The following KANK1 variants were observed in gnomAD, a reference collection of about 807,000 sequenced individuals.
KANK1 encodes the protein KN motif and ankyrin repeat domains 1.
Under a neutral mutation model 106.2 loss-of-function variants are expected in KANK1, and 109 were observed. That is an observed-to-expected ratio of 1.03 (90% CI 0.88 to 1.20). The LOEUF (loss-of-function observed/expected upper bound fraction) is 1.20. KANK1 is among the 50% of genes most tolerant of loss of function. KANK1 has a pLI of 0.00. For missense variants in KANK1, 2,399 were observed against 1,710.7 expected (o/e 1.40, Z -7.10); for synonymous variants, 873 against 652.2 (o/e 1.34, Z -5.16).
chr9:699,408 C>T (rs994540861), intron 2 of KANK1, among the ~76,000 whole-genome samples: 6 of 152,210 alleles, frequency 3.9e-5, no homozygotes, highest in African/African-American at 1.4e-4. Context: ...ATCTTCCTTA[C>T]ATCAGCAGGA....
chr9:715,198 C>G (rs527310575), intron 3 of KANK1, among the ~76,000 whole-genome samples: 2 of 152,020 alleles, frequency 1.3e-5, no homozygotes, highest in East Asian at 1.9e-4. Context: ...TTTTAGAATC[C>G]AAAGAGTCTA....
At chr9:732,682 G>A in intron 6 of KANK1, 65 bp downstream of exon 6, 1 of 1,557,736 alleles carries the variant, frequency 6.4e-7, no homozygotes, top group Non-Finnish European at 8.8e-7. Context: ...CAATAGAGTT[G>A]GCCAGTTCAG....
chr9:613,433 A>G (rs1831045933), intron 1 of KANK1, among the ~76,000 whole-genome samples: 2 of 151,970 alleles, frequency 1.3e-5, no homozygotes, highest in African/African-American at 4.8e-5. Flanking sequence ...GCAGCCCAAC[A>G]CAAATTTGTA....
chr9:685,738 C>G (rs1818410780), intron 2 of KANK1, among the ~76,000 whole-genome samples: 1 of 152,180 alleles, frequency 6.6e-6, no homozygotes, highest in Admixed American at 6.5e-5. Context: ...AGTTTTCTCT[C>G]AGGGATCTTT....
rs116264627 is a variant in KANK1 at position 730,161 on chromosome 9, A to G, written c.2809A>G (p.Ile937Val). 1.9e-4 allele frequency: 300 copies of G among 1,614,166 alleles called. No individual in the cohort carries two copies. Among genetic ancestry groups the G allele is most frequent in the African/African-American group, 2.8e-4 (21 of 75,040 alleles). The change falls in exon 4 of 12, where the codon ATC becomes GTC. Residue 937 changes from isoleucine (I) to valine (V), a missense_variant. Transcript: ENST00000382297. ...QEVGTSEGKP[I>V]SSLDAFPTQE... ...AGTGGGGACCTCAGAAGGAAAGCCA[A>G]TCAGCAGCCTGGATGCCTTCCCCAC...
chr9:656,087 G>C (rs1164571410), intron 1 of KANK1, among the ~76,000 whole-genome samples: 2 of 152,206 alleles, frequency 1.3e-5, no homozygotes, highest in Admixed American at 6.5e-5. Flanking sequence ...CTTGCTGTCA[G>C]ACCGCAGGCT....
chr9:710,566 C>T (rs910654491), intron 2 of KANK1, among the ~76,000 whole-genome samples: 10 of 139,846 alleles, frequency 7.2e-5, no homozygotes, highest in African/African-American at 2.1e-4. Flanking sequence ...TGCAGTGAAC[C>T]GAGATCATGC....
chr9:521,246 G>A (rs759740118), intron 1 of KANK1, among the ~76,000 whole-genome samples: 9 of 151,658 alleles, frequency 5.9e-5, no homozygotes, highest in Non-Finnish European at 1.0e-4. Context: ...TCTTTTTGTG[G>A]GGGATCTTGG....
chr9:518,912 C>G (rs1431369480), intron 1 of KANK1, among the ~76,000 whole-genome samples: 1 of 150,478 alleles, frequency 6.6e-6, no homozygotes, highest in Non-Finnish European at 1.5e-5. Flanking sequence ...TGTTTTGAGA[C>G]AGAGTTTCGC....
chr9:698,982 G>A (rs900506570), intron 2 of KANK1, among the ~76,000 whole-genome samples: 1 of 152,160 alleles, frequency 6.6e-6, no homozygotes, highest in Non-Finnish European at 1.5e-5. Flanking sequence ...GGCTCTGTCT[G>A]TCCCCTTTCT....
At chr9:640,763 C>G (rs935624105) in intron 1 of KANK1, among the ~76,000 whole-genome samples, 8 of 148,604 alleles carry the variant, frequency 5.4e-5, no homozygotes, top group African/African-American at 1.8e-4. Flanking sequence ...GTGGTGCAAT[C>G]TTGGCTCACT....
chr9:628,693 A>C (rs1194206020), intron 1 of KANK1, among the ~76,000 whole-genome samples: 1 of 152,128 alleles, frequency 6.6e-6, no homozygotes, highest in Non-Finnish European at 1.5e-5. Flanking sequence ...AGGTTGAAAC[A>C]TCCAAGGCTC....
At chr9:681,785 C>A (rs932897367) in intron 2 of KANK1, among the ~76,000 whole-genome samples, 2 of 152,094 alleles carry the variant, frequency 1.3e-5, no homozygotes, top group Non-Finnish European at 2.9e-5. Context: ...CCTCATTAAA[C>A]CCAGTTAAAT....
At position 679,290 on chromosome 9, in the gene KANK1, A is replaced by G. The variant is rs554339428; in HGVS notation, c.37+2281A>G. 8.5e-5 allele frequency among the ~76,000 whole-genome samples: 13 copies of G among 152,302 alleles called. No homozygotes were observed. In the South Asian group the frequency reaches 2.7e-3, roughly 32 times the overall value. On this transcript the variant is annotated intron_variant, in intron 2 of 11. Coordinates refer to ENST00000382297, the MANE Select transcript of KANK1 (RefSeq NM_015158.5). Reference sequence around the variant, plus strand: ...GAGACTCAACCATAAACAGTAATATATATGCAAACATACATATATGTGTGT... The same window carrying G: ...GAGACTCAACCATAAACAGTAATATGTATGCAAACATACATATATGTGTGT...
intron 1 of KANK1, among the ~76,000 whole-genome samples, chr9:505,643 C>T (rs532582709): frequency 6.6e-6 from 1 of 152,340 alleles, no homozygotes; most frequent in East Asian, 1.9e-4. Flanking sequence ...ACGAGCGTGA[C>T]CTAGTGAAGG....
intron 1 of KANK1, among the ~76,000 whole-genome samples, chr9:585,419 C>T (rs554531527): frequency 3.3e-5 from 5 of 152,156 alleles, no homozygotes; most frequent in Non-Finnish European, 5.9e-5. Context: ...ATGGTCTACC[C>T]ATTGATGATG....
intron 3 of KANK1, among the ~76,000 whole-genome samples, chr9:479,527 ATG>A (rs58534243): frequency 0.23 from 35,161 of 152,042 alleles, 6,160 homozygotes; most frequent in East Asian, 0.5. Context: ...AGGGAGTTAG[ATG>A]TGACTCACTG....
At chr9:740,490 C>G (rs895588498) in intron 8 of KANK1, among the ~76,000 whole-genome samples, 12 of 152,208 alleles carry the variant, frequency 7.9e-5, no homozygotes, top group African/African-American at 2.9e-4. Flanking sequence ...TCAAGAGCAA[C>G]CAGTAGAACA....
chr9:650,360 G>A (rs957518581), intron 1 of KANK1, among the ~76,000 whole-genome samples: 6 of 152,144 alleles, frequency 3.9e-5, no homozygotes, highest in South Asian at 2.1e-4. Context: ...TTTTTAGTGC[G>A]ATTCCTCTTT....
Sources: allele counts gnomAD v4.1 joint callset (sites outside exome capture counted in the v4.1 genomes callset), GRCh38; gene constraint gnomAD v4.1.1; transcripts MANE v1.5; gene names NCBI Gene and HGNC (gene_info 2026-07-23, HGNC 2026-07-21).